Variants in CAGE1 observed in about 807,000 individuals in gnomAD.
The protein encoded by CAGE1 is cancer antigen 1.
CAGE1 carries 66 observed loss-of-function variants against 94.9 expected under a neutral mutation model. The ratio of observed to expected loss-of-function variants is 0.70; its 90% confidence interval spans 0.57 to 0.85. The LOEUF is 0.85. Among genes scored for constraint, CAGE1 ranks in the 40% least tolerant of loss-of-function variants. The pLI, the probability that CAGE1 is intolerant of heterozygous loss-of-function variation, is 0.00. For missense variants in CAGE1, 865 were observed against 950.4 expected (o/e 0.91, Z 1.18); for synonymous variants, 319 against 321.0 (o/e 0.99, Z 0.07).
chr6:7,386,402 AAG>A (rs1292034124), intron 2 of CAGE1, among the ~76,000 whole-genome samples: 12 of 152,190 alleles, frequency 7.9e-5, no homozygotes, highest in Admixed American at 2.0e-4. Context: ...CATTTTCATG[AAG>A]ACAGGAAAGT....
chr6:7,382,448 C>A (rs143194973), intron 3 of CAGE1, among the ~76,000 whole-genome samples: 4 of 151,904 alleles, frequency 2.6e-5, no homozygotes, highest in Non-Finnish European at 5.9e-5. Context: ...ACTACAGGCA[C>A]GCGCCACTAT....
At chr6:7,344,564 C>T (rs893710906) in intron 11 of CAGE1, among the ~76,000 whole-genome samples, 2 of 152,242 alleles carry the variant, frequency 1.3e-5, no homozygotes, top group Non-Finnish European at 2.9e-5. Flanking sequence ...CTCTACAGCG[C>T]CCAGTCCCAT....
chr6:7,342,125 C>G, intron 11 of CAGE1: 2 of 1,008,308 alleles, frequency 2.0e-6, no homozygotes, highest in Middle Eastern at 2.1e-4. Context: ...CTGATGAAGG[C>G]AGCTTCACAA....
chr6:7,344,535 G>A (rs1016682601), intron 11 of CAGE1, among the ~76,000 whole-genome samples: 3 of 152,220 alleles, frequency 2.0e-5, no homozygotes, highest in African/African-American at 7.2e-5. Flanking sequence ...CCAGCCTCCT[G>A]GATGAGCGCC....
rs534496300 is a variant in CAGE1, at chr6:7,361,182, G to A, written c.2193+4286C>T. Among the ~76,000 whole-genome samples, 210 of 152,218 alleles carry A rather than the reference G, an allele frequency of 1.4e-3. 1 individual carries two copies. Among genetic ancestry groups the A allele is most frequent in the African/African-American group, 4.8e-3 (198 of 41,514 alleles). ...GATGAAAATATACCTGCTTCTAAAA[G>A]AGGAACTTGTCCTAGTGGGCCTGAG... On this transcript the variant is annotated intron_variant, in intron 9 of 13. Transcript: ENST00000502583.
At chr6:7,341,250 G>A (rs573072991) in intron 11 of CAGE1, 10 of 668,238 alleles carry the variant, frequency 1.5e-5, no homozygotes, top group Non-Finnish European at 2.2e-5. Flanking sequence ...AGCCAAAGGT[G>A]CTCACAGCAG....
intron 9 of CAGE1, among the ~76,000 whole-genome samples, chr6:7,364,717 C>G (rs1163741712): frequency 1.3e-5 from 2 of 152,098 alleles, no homozygotes; most frequent in Non-Finnish European, 2.9e-5. Context: ...ATCCACCCGC[C>G]TCAGCCTCCC....
rs1491488344 is a variant in CAGE1, at chr6:7,358,025, G to GAAATATAT, written c.2194-1897_2194-1896insATATATTT. 9.3e-3 allele frequency among the ~76,000 whole-genome samples: 189 copies of GAAATATAT among 20,262 alleles called. 14 individuals are homozygous for GAAATATAT. Among genetic ancestry groups the GAAATATAT allele is most frequent in the South Asian group, 0.014 (6 of 434 alleles). 13.3% of individuals were successfully genotyped at this position (20,262 alleles called of 152,430 possible). ...GCCAGACTGCGGTTAGGTAAGTTTT[G>GAAATATAT]AGATATATATATATATATATATATA... On this transcript the variant is annotated intron_variant, in intron 9 of 13. Coordinates refer to ENST00000502583, the MANE Select transcript of CAGE1 (RefSeq NM_001170692.2).
chr6:7,383,121 T>C (rs1760999545), intron 3 of CAGE1, among the ~76,000 whole-genome samples: 1 of 152,184 alleles, frequency 6.6e-6, no homozygotes, highest in East Asian at 1.9e-4. Flanking sequence ...TTCAAAGTGT[T>C]TGGCAGTTCC....
intron 11 of CAGE1, among the ~76,000 whole-genome samples, chr6:7,351,206 G>C (rs1237655788): frequency 6.6e-6 from 1 of 152,038 alleles, no homozygotes; most frequent in African/African-American, 2.4e-5. Flanking sequence ...TACAAGAGAT[G>C]GATAAATTCC....
At position 7,339,978 on chromosome 6, in the gene CAGE1, C is replaced by A. The variant is rs933582134; in HGVS notation, c.2370-5888G>T. On this transcript the variant is annotated intron_variant, in intron 11 of 13. Coordinates refer to ENST00000502583, the MANE Select transcript of CAGE1 (RefSeq NM_001170692.2). The surrounding 1 kb of genome is among the most constrained non-coding windows in gnomAD (Gnocchi z 4.7). ...TCAAATGGTAGTTCTACTTTTAGTT[C>A]TTTAAAGACTTTCCACACTGTTTTC... 2.0e-5 allele frequency among the ~76,000 whole-genome samples: 3 copies of A among 152,182 alleles called. No individual in the cohort carries two copies. Among genetic ancestry groups the A allele is most frequent in the Non-Finnish European group, 2.9e-5 (2 of 68,038 alleles).
chr6:7,345,643 A>C (rs1336298378), intron 11 of CAGE1, among the ~76,000 whole-genome samples: 3 of 152,200 alleles, frequency 2.0e-5, no homozygotes, highest in Admixed American at 1.3e-4. Context: ...CGGAAAAATT[A>C]CAGGCCCGGC....
chr6:7,349,932 C>CA (rs761682237), intron 11 of CAGE1, among the ~76,000 whole-genome samples: 3,430 of 77,544 alleles, frequency 0.044, 147 homozygotes, highest in African/African-American at 0.15. Context: ...ACACTTGTCT[C>CA]AAAAAAAAAA....
At chr6:7,367,597 C>A (rs973320392) in intron 7 of CAGE1, among the ~76,000 whole-genome samples, 3 of 152,044 alleles carry the variant, frequency 2.0e-5, no homozygotes, top group African/African-American at 7.2e-5. Context: ...TTTGTAACAA[C>A]CTCAGTTGGG....
At chr6:7,336,697 A>G (rs1447094689) in intron 11 of CAGE1, among the ~76,000 whole-genome samples, 3 of 152,090 alleles carry the variant, frequency 2.0e-5, no homozygotes, top group Non-Finnish European at 2.9e-5. Context: ...TTTAGTAGAC[A>G]TGGGATTTTG....
intron 11 of CAGE1, among the ~76,000 whole-genome samples, chr6:7,343,664 G>A (rs1759283751): frequency 6.6e-6 from 1 of 152,172 alleles, no homozygotes; most frequent in East Asian, 1.9e-4. Context: ...ATGGTGAATA[G>A]TAAATAAGTT....
intron 11 of CAGE1, among the ~76,000 whole-genome samples, chr6:7,345,126 TCCA>T (rs1312066982): frequency 1.9e-3 from 79 of 41,760 alleles, no homozygotes; most frequent in African/African-American, 7.3e-3. Flanking sequence ...GCTCTTTAGA[TCCA>T]TATTGCTTTT....
At chr6:7,386,074 G>A (rs184718148) in intron 2 of CAGE1, among the ~76,000 whole-genome samples, 8 of 152,266 alleles carry the variant, frequency 5.3e-5, no homozygotes, top group Admixed American at 5.2e-4. Flanking sequence ...AAACAACAAT[G>A]TAACAAATAG....
chr6:7,380,878 T>C (rs1760910326), intron 3 of CAGE1, among the ~76,000 whole-genome samples: 1 of 152,116 alleles, frequency 6.6e-6, no homozygotes, highest in African/African-American at 2.4e-5. Flanking sequence ...AATTGCTGGA[T>C]TATAGAAAAT....
Sources: gnomAD v4.1 joint callset for allele counts (sites outside exome capture counted in the v4.1 genomes callset) on GRCh38, gnomAD v4.1.1 for gene constraint, Gnocchi (gnomAD v3.1) non-coding constraint, MANE v1.5 for transcripts, NCBI Gene and HGNC (gene_info 2026-07-23, HGNC 2026-07-21) for gene names.